Variants in CUBN observed in about 807,000 individuals in gnomAD.
CUBN encodes 460 kDa receptor.
A neutral mutation model predicts 405.3 loss-of-function variants in CUBN; 282 were observed. The ratio of observed to expected loss-of-function variants is 0.70; its 90% CI spans 0.63 to 0.77. The LOEUF (loss-of-function observed/expected upper bound fraction) is 0.77, where lower values mean the gene tolerates loss of function less well. Among genes scored for constraint, CUBN ranks in the 30% least tolerant of loss-of-function variants. The probability of loss-of-function intolerance (pLI) is 0.00; values close to 1 mark genes in which losing one functional copy is unlikely to be tolerated. For missense variants in CUBN, 4,514 were observed against 4,475.2 expected (o/e 1.01, Z -0.25); for synonymous variants, 1,684 against 1,617.0 (o/e 1.04, Z -0.99).
intron 8 of CUBN, among the ~76,000 whole-genome samples, chr10:17,112,825 G>A (rs944549286): frequency 2.0e-5 from 3 of 152,056 alleles, no homozygotes; most frequent in East Asian, 1.9e-4. Flanking sequence ...AAAGCTATGC[G>A]ATCTTGGGCA....
chr10:16,934,145 G>A (rs1240556252), intron 39 of CUBN, among the ~76,000 whole-genome samples: 2 of 152,186 alleles, frequency 1.3e-5, no homozygotes, highest in Admixed American at 6.6e-5. Context: ...GCTAGGAGGA[G>A]AGAGAGAGAT....
At position 17,084,469 on chromosome 10, in the gene CUBN, C is replaced by T; in HGVS notation, c.2111-8G>A. 6.2e-7 allele frequency: 1 copy of T among 1,612,070 alleles called. No individual in the cohort carries two copies. The highest frequency in any genetic ancestry group is 8.5e-7 in the Non-Finnish European group (1 of 1,179,364). ...CACCACAACGCAGATCCGCTAAGAA[C>T]AGGGAAGAGACGAACAGGTCATGGC... On this transcript the variant is annotated splice_polypyrimidine_tract_variant and splice_region_variant and intron_variant, in intron 16 of 66. Coordinates refer to ENST00000377833, the MANE Select transcript of CUBN (RefSeq NM_001081.4).
intron 22 of CUBN, among the ~76,000 whole-genome samples, chr10:17,062,693 G>T (rs192527706): frequency 6.6e-6 from 1 of 152,236 alleles, no homozygotes; most frequent in Admixed American, 6.5e-5. Flanking sequence ...ATAGCCACAT[G>T]GCACAAACTA....
chr10:17,114,006 C>A (rs1243214886), intron 8 of CUBN, 21 bp downstream of exon 8: 1 of 1,609,808 alleles, frequency 6.2e-7, no homozygotes, highest in East Asian at 2.2e-5. Context: ...CAGAGCCTGG[C>A]TTGTGGCCCT....
At chr10:16,872,979 G>A (rs1317198190) in intron 58 of CUBN, among the ~76,000 whole-genome samples, 1 of 152,180 alleles carries the variant, frequency 6.6e-6, no homozygotes, top group Non-Finnish European at 1.5e-5. Flanking sequence ...CTTGATGAGA[G>A]ATGTCTTTCA....
chr10:16,930,952 G>A (rs949463563), intron 40 of CUBN, among the ~76,000 whole-genome samples: 1 of 152,132 alleles, frequency 6.6e-6, no homozygotes, highest in Non-Finnish European at 1.5e-5. Context: ...AATAATTGAA[G>A]TGGGATTTAA....
At chr10:16,869,544 A>C (rs1187365846) in intron 59 of CUBN, 92 bp downstream of exon 59, 7 of 887,570 alleles carry the variant, frequency 7.9e-6, no homozygotes, top group Admixed American at 7.7e-5. Flanking sequence ...AAGCAATCAT[A>C]ATCAGGTGGG....
At chr10:17,043,126 C>G (rs1835052433) in intron 26 of CUBN, among the ~76,000 whole-genome samples, 1 of 152,150 alleles carries the variant, frequency 6.6e-6, no homozygotes, top group African/African-American at 2.4e-5. Context: ...CTAATTTAAT[C>G]TCCTTTTCTA....
At chr10:16,955,179 T>C (rs888599215) in intron 31 of CUBN, among the ~76,000 whole-genome samples, 2 of 142,840 alleles carry the variant, frequency 1.4e-5, no homozygotes, top group Non-Finnish European at 3.1e-5. Flanking sequence ...AAGACCAGCC[T>C]GGCCAACATG....
At chr10:17,060,732 G>C (rs186134410) in intron 22 of CUBN, among the ~76,000 whole-genome samples, 10 of 152,252 alleles carry the variant, frequency 6.6e-5, no homozygotes, top group African/African-American at 2.4e-4. Flanking sequence ...GAAATAATCA[G>C]AGAGGCTTGT....
intron 36 of CUBN, among the ~76,000 whole-genome samples, chr10:16,943,796 C>T (rs913536119): frequency 2.6e-5 from 4 of 152,152 alleles, no homozygotes; most frequent in African/African-American, 9.7e-5. Context: ...GCATTCTGTC[C>T]GATGCTCCAG....
rs776543772 is a variant in CUBN at position 16,990,356 on chromosome 10, C to T, written c.4328G>A (p.Arg1443Lys). ...IHDFDVEYHSRCNFDVLEIYG... is the reference protein window; with the variant it reads ...IHDFDVEYHSKCNFDVLEIYG... ...TACCTCCAAGACATCAAAGTTGCAC[C>T]TTGAATGATACTCCACATCGAAGTC... Residue 1443 changes from arginine to lysine, a missense_variant, in exon 29 of 67, where the codon AGG (arginine) becomes AAG (lysine). Arg to Lys is a conservative substitution (Grantham distance 26). Transcript: ENST00000377833. 1.2e-6 allele frequency: 2 copies of T among 1,614,056 alleles called. No homozygotes were observed. The highest frequency in any genetic ancestry group is 2.7e-5 in the African/African-American group (2 of 74,926).
intron 8 of CUBN, among the ~76,000 whole-genome samples, chr10:17,113,464 T>C (rs1836815735): frequency 6.6e-6 from 1 of 152,184 alleles, no homozygotes; most frequent in Admixed American, 6.5e-5. Flanking sequence ...GACTATCTCA[T>C]AAAACAAAAG....
At chr10:16,869,163 G>GTTTT (rs1840273763) in intron 59 of CUBN, among the ~76,000 whole-genome samples, 3 of 94,440 alleles carry the variant, frequency 3.2e-5, no homozygotes, top group Admixed American at 9.3e-5. Flanking sequence ...CTACCAAAGT[G>GTTTT]ATTTTTTTTT....
intron 14 of CUBN, among the ~76,000 whole-genome samples, chr10:17,095,553 G>A (rs11254369): frequency 0.54 from 81,613 of 151,790 alleles, 22,592 homozygotes; most frequent in East Asian, 0.67. Context: ...ACCACAATAA[G>A]ATGCCACCTC....
chr10:16,939,282 G>T (rs1305782393), intron 37 of CUBN, 135 bp from the exon 38 acceptor site: 1 of 745,634 alleles, frequency 1.3e-6, no homozygotes, highest in Non-Finnish European at 2.3e-6. Flanking sequence ...ACTAGGGAAA[G>T]AAATACTGCC....
At chr10:17,083,870 C>T (rs1368916064) in intron 17 of CUBN, among the ~76,000 whole-genome samples, 1 of 152,044 alleles carries the variant, frequency 6.6e-6, no homozygotes, top group Non-Finnish European at 1.5e-5. Flanking sequence ...CCCTGTATTA[C>T]AATCATTACC....
At chr10:16,964,640 G>T (rs1401667428) in intron 31 of CUBN, among the ~76,000 whole-genome samples, 1 of 152,116 alleles carries the variant, frequency 6.6e-6, no homozygotes, top group Non-Finnish European at 1.5e-5. Context: ...TATATTAAAA[G>T]TTCTTTAGTG....
intron 31 of CUBN, among the ~76,000 whole-genome samples, chr10:16,978,119 G>A (rs1833152043): frequency 6.6e-6 from 1 of 152,210 alleles, no homozygotes; most frequent in Admixed American, 6.5e-5. Context: ...TGCAGTCTCA[G>A]TGAAGGCTGT....
Sources: allele counts gnomAD v4.1 joint callset (sites outside exome capture counted in the v4.1 genomes callset), GRCh38; gene constraint gnomAD v4.1.1; transcripts MANE v1.5; gene names NCBI Gene and HGNC (gene_info 2026-07-23, HGNC 2026-07-21).